Variants in DDAH1 observed in about 807,000 individuals in gnomAD.
DDAH1 encodes dimethylarginine dimethylaminohydrolase 1.
In DDAH1, 19 loss-of-function variants were observed where a neutral mutation model predicts 28.8. That is an observed-to-expected ratio of 0.66 (90% CI 0.46 to 0.97). The LOEUF (loss-of-function observed/expected upper bound fraction) is 0.97, where lower values mean the gene tolerates loss of function less well. Among genes scored for constraint, DDAH1 ranks in the 50% least tolerant of loss-of-function variants. The probability of loss-of-function intolerance (pLI) is 0.00; values close to 1 mark genes in which losing one functional copy is unlikely to be tolerated. For missense variants in DDAH1, 326 were observed against 375.9 expected (o/e 0.87, Z 1.10); for synonymous variants, 153 against 154.4 (o/e 0.99, Z 0.07).
At chr1:85,375,378 T>C (rs367870441) in intron 1 of DDAH1, among the ~76,000 whole-genome samples, 1 of 152,098 alleles carries the variant, frequency 6.6e-6, no homozygotes, top group African/African-American at 2.4e-5. Context: ...TAAGACTAGA[T>C]GAGGCTGCCA....
chr1:85,352,513 G>C (rs531458593), intron 2 of DDAH1, among the ~76,000 whole-genome samples: 2 of 152,246 alleles, frequency 1.3e-5, no homozygotes, highest in South Asian at 4.1e-4. Context: ...TGATTGTTTT[G>C]AGCTGTATGG....
At chr1:85,333,069 C>T (rs1057192920) in intron 4 of DDAH1, among the ~76,000 whole-genome samples, 16 of 152,210 alleles carry the variant, frequency 1.1e-4, no homozygotes, top group Non-Finnish European at 1.8e-4. Flanking sequence ...TATGCCACCC[C>T]GGGACCCAAG....
intron 1 of DDAH1, among the ~76,000 whole-genome samples, chr1:85,371,507 C>T (rs1431603204): frequency 6.6e-6 from 1 of 152,084 alleles, no homozygotes; most frequent in Non-Finnish European, 1.5e-5. Context: ...CCTCAAACAA[C>T]AACAAAAAAC....
intron 1 of DDAH1, among the ~76,000 whole-genome samples, chr1:85,559,349 C>T (rs1659075262): frequency 6.6e-6 from 1 of 152,144 alleles, no homozygotes; most frequent in African/African-American, 2.4e-5. Context: ...TCAAACTGAT[C>T]TACATGTAAT....
At chr1:85,414,980 C>A (rs10493764) in intron 1 of DDAH1, among the ~76,000 whole-genome samples, 1 of 141,246 alleles carries the variant, frequency 7.1e-6, no homozygotes, top group South Asian at 2.3e-4. Context: ...GTGACTTTAA[C>A]GAAAATCAAA....
intron 1 of DDAH1, among the ~76,000 whole-genome samples, chr1:85,452,839 C>G (rs1654725193): frequency 6.6e-6 from 1 of 152,112 alleles, no homozygotes. Flanking sequence ...TAAAGCAAAC[C>G]AACAACAACA....
At chr1:85,386,209 T>C (rs1651246580) in intron 1 of DDAH1, among the ~76,000 whole-genome samples, 4 of 152,198 alleles carry the variant, frequency 2.6e-5, no homozygotes. Context: ...CCTAAAATTT[T>C]AGCTTGTTCC....
chr1:85,428,094 C>T (rs1388994099), intron 1 of DDAH1, among the ~76,000 whole-genome samples: 1 of 152,160 alleles, frequency 6.6e-6, no homozygotes, highest in African/African-American at 2.4e-5. Context: ...AAGTAAGAAC[C>T]CAAGTAGTTT....
intron 4 of DDAH1, among the ~76,000 whole-genome samples, chr1:85,326,531 C>A (rs1031766008): frequency 5.3e-5 from 8 of 152,202 alleles, no homozygotes; most frequent in Admixed American, 5.2e-4. Context: ...CAGATCTGTG[C>A]AACTCAAAAC....
intron 1 of DDAH1, among the ~76,000 whole-genome samples, chr1:85,513,532 G>A (rs551384471): frequency 3.9e-5 from 6 of 152,162 alleles, no homozygotes; most frequent in South Asian, 4.1e-4. Context: ...GCTTCTGCAC[G>A]ACAAAAGAAA....
At chr1:85,495,424 G>A (rs1656553028) in intron 2 of DDAH1, 1 of 152,204 alleles carries the variant, frequency 6.6e-6, no homozygotes, top group Non-Finnish European at 1.5e-5. Context: ...TTAGTGCAGA[G>A]AAGTGAGACT....
At position 85,321,230 on chromosome 1, in the gene DDAH1, A is replaced by G; in HGVS notation, c.*222T>C. On this transcript the variant is annotated 3_prime_UTR_variant, in exon 6 of 6. Transcript: ENST00000284031. ...ATAATTCATTAGCTCTGTATCTTCT[A>G]GGTTGCTTAATTCATTTAGCAAATC... 6.0e-6 allele frequency: 3 copies of G among 495,914 alleles called. No homozygotes were observed. Among genetic ancestry groups the G allele is most frequent in the Non-Finnish European group, 7.2e-6 (2 of 277,130 alleles). 30.7% of individuals were successfully genotyped at this position (495,914 alleles called of 1,614,324 possible).
chr1:85,357,976 C>G (rs1017361600), intron 2 of DDAH1, among the ~76,000 whole-genome samples: 3 of 152,182 alleles, frequency 2.0e-5, no homozygotes, highest in African/African-American at 7.2e-5. Flanking sequence ...ATCCATCTGG[C>G]ATTAAGCCAA....
chr1:85,500,082 C>T (rs1266099918), intron 1 of DDAH1, among the ~76,000 whole-genome samples: 68 of 143,972 alleles, frequency 4.7e-4, no homozygotes, highest in Non-Finnish European at 6.4e-4. Flanking sequence ...CTTTCCTTTC[C>T]TTCCTTCCTT....
chr1:85,384,679 T>C (rs1335109528), intron 1 of DDAH1, among the ~76,000 whole-genome samples: 1 of 152,210 alleles, frequency 6.6e-6, no homozygotes, highest in Non-Finnish European at 1.5e-5. Context: ...GTTACTTTTC[T>C]TTCCTGACCA....
intron 1 of DDAH1, among the ~76,000 whole-genome samples, chr1:85,518,291 T>G (rs1352899590): frequency 6.6e-6 from 1 of 152,148 alleles, no homozygotes; most frequent in Admixed American, 6.5e-5. Flanking sequence ...CAGACATTAT[T>G]TTACAGTTCA....
At chr1:85,365,867 G>A (rs1367854871) in intron 1 of DDAH1, among the ~76,000 whole-genome samples, 1 of 152,108 alleles carries the variant, frequency 6.6e-6, no homozygotes, top group Non-Finnish European at 1.5e-5. Context: ...AATTTTGCAG[G>A]TGTAAAGTAT....
chr1:85,503,150 C>T (rs552522818), intron 1 of DDAH1, among the ~76,000 whole-genome samples: 1 of 151,868 alleles, frequency 6.6e-6, no homozygotes, highest in Admixed American at 6.6e-5. Context: ...GATAAGAGTT[C>T]CTTGCTTTAA....
upstream of DDAH1, among the ~76,000 whole-genome samples, chr1:85,466,776 G>A (rs1655396514): frequency 6.7e-6 from 1 of 150,374 alleles, no homozygotes; most frequent in South Asian, 2.1e-4. Flanking sequence ...TTTACCTTAA[G>A]CTTGCCCTGG....
Sources: allele counts gnomAD v4.1 joint callset (sites outside exome capture counted in the v4.1 genomes callset), GRCh38; gene constraint gnomAD v4.1.1; transcripts MANE v1.5; gene names NCBI Gene and HGNC (gene_info 2026-07-23, HGNC 2026-07-21).